The following HTR1F variants were observed in gnomAD, a reference collection of about 807,000 sequenced individuals.
The protein encoded by HTR1F is 5-hydroxytryptamine (serotonin) receptor 1F, G protein-coupled.
Under a neutral mutation model 24.0 loss-of-function variants are expected in HTR1F, and 17 were observed. The observed-to-expected ratio is 0.71, with a 90% CI of 0.48 to 1.06. The LOEUF (loss-of-function observed/expected upper bound fraction) is 1.06, where lower values mean the gene tolerates loss of function less well. HTR1F is among the 50% of genes least tolerant of loss of function. The pLI is 0.00. For synonymous variants in HTR1F, 186 were observed against 156.8 expected (o/e 1.19, Z -1.39); for missense variants, 391 against 427.8 (o/e 0.91, Z 0.76).
intron 2 of HTR1F, among the ~76,000 whole-genome samples, chr3:87,966,787 A>G (rs1208536872): frequency 6.6e-6 from 1 of 152,204 alleles, no homozygotes; most frequent in East Asian, 1.9e-4. Context: ...TTAATTAGTT[A>G]AGAGTAGAAT....
intron 1 of HTR1F, among the ~76,000 whole-genome samples, chr3:87,804,873 T>G (rs1174808076): frequency 6.6e-6 from 1 of 152,156 alleles, no homozygotes; most frequent in East Asian, 1.9e-4. Flanking sequence ...TAAAGATCTG[T>G]TGGACATTTC....
intron 2 of HTR1F, among the ~76,000 whole-genome samples, chr3:87,965,597 A>G (rs898621045): frequency 1.6e-4 from 24 of 152,266 alleles, no homozygotes; most frequent in African/African-American, 4.8e-4. Flanking sequence ...AAGTCAATAG[A>G]CATATTCCAG....
intron 2 of HTR1F, among the ~76,000 whole-genome samples, chr3:87,902,954 C>T (rs1465915780): frequency 6.6e-6 from 1 of 151,410 alleles, no homozygotes; most frequent in South Asian, 2.1e-4. Flanking sequence ...AGAACAGAGC[C>T]CTCAGAAATA....
At chr3:87,903,316 A>G (rs1231923720) in intron 2 of HTR1F, among the ~76,000 whole-genome samples, 2 of 150,078 alleles carry the variant, frequency 1.3e-5, no homozygotes, top group South Asian at 4.2e-4. Context: ...AGCAAAAGAA[A>G]CTACCATCAG....
At chr3:87,906,406 G>T (rs545397300) in intron 2 of HTR1F, among the ~76,000 whole-genome samples, 1 of 151,948 alleles carries the variant, frequency 6.6e-6, no homozygotes, top group Non-Finnish European at 1.5e-5. Flanking sequence ...AACAAAGAAA[G>T]AGAATAATTT....
chr3:87,990,798 T>C lies in HTR1F; in HGVS notation c.49T>C (p.Leu17=), dbSNP rs1705804069. 6.2e-7 allele frequency: 1 copy of C among 1,613,926 alleles called. No individual in the cohort carries two copies. Among genetic ancestry groups the C allele is most frequent in the African/African-American group, 1.3e-5 (1 of 75,040 alleles). ...SDQNLTSEEL[L]NRMPSKILVS... ...TCAAAACTTGACCTCAGAGGAACTG[T>C]TAAACAGAATGCCATCCAAAATTCT... Residue 17 remains leucine (L), a synonymous_variant, in exon 3 of 3, where the codon TTA becomes CTA. Coordinates refer to ENST00000319595, the MANE Select transcript of HTR1F (RefSeq NM_001322209.2).
chr3:87,974,848 G>T (rs1177107637), intron 2 of HTR1F, among the ~76,000 whole-genome samples: 3 of 152,128 alleles, frequency 2.0e-5, no homozygotes, highest in African/African-American at 7.2e-5. Context: ...AACATTGATT[G>T]ATTGATGCTC....
At chr3:87,977,749 CTT>C (rs1242621447) in intron 2 of HTR1F, among the ~76,000 whole-genome samples, 1 of 132,198 alleles carries the variant, frequency 7.6e-6, no homozygotes, top group African/African-American at 3.0e-5. Context: ...GCTGAAATGA[CTT>C]TCCTGAGCTC....
At chr3:87,978,201 G>A (rs188242693) in intron 2 of HTR1F, among the ~76,000 whole-genome samples, 2 of 152,154 alleles carry the variant, frequency 1.3e-5, no homozygotes, top group Admixed American at 6.5e-5. Flanking sequence ...GCACTCAGAA[G>A]GTTGAAGACT....
intron 2 of HTR1F, among the ~76,000 whole-genome samples, chr3:87,919,564 G>A (rs1317411423): frequency 2.6e-5 from 4 of 151,686 alleles, no homozygotes; most frequent in Non-Finnish European, 5.9e-5. Context: ...CTAAGGACAT[G>A]AATAAACAAT....
In HTR1F at chr3:87,991,838, A is replaced by C. The variant is rs773680318; in HGVS notation, c.1089A>C (p.Arg363=). ...DFKKAFQKLV[R]CRC ...AGAAAGCATTCCAAAAGCTTGTGCG[A>C]TGTCGATGTTAGTTTTAAAAATGTT... is the stretch of plus-strand genomic sequence containing the variant. The change falls in exon 3 of 3, where the codon CGA becomes CGC. Residue 363 remains arginine (R), a synonymous_variant. Transcript: ENST00000319595. The C allele has an allele frequency of 1.3e-6, 2 of 1,569,630 alleles. No individual in the cohort carries two copies. The highest frequency in any genetic ancestry group is 1.7e-6 in the Non-Finnish European group (2 of 1,159,770).
At chr3:87,923,204 T>C (rs562173994) in intron 2 of HTR1F, among the ~76,000 whole-genome samples, 1 of 152,160 alleles carries the variant, frequency 6.6e-6, no homozygotes, top group South Asian at 2.1e-4. Context: ...GTATGATGCC[T>C]CCAGCTTTGT....
intron 1 of HTR1F, among the ~76,000 whole-genome samples, chr3:87,818,761 A>C (rs1372393206): frequency 2.0e-5 from 3 of 152,188 alleles, no homozygotes; most frequent in Non-Finnish European, 4.4e-5. Context: ...AAATTTATGA[A>C]GGCACTCACT....
At chr3:87,982,453 C>A (rs1478981390) in intron 2 of HTR1F, among the ~76,000 whole-genome samples, 1 of 152,136 alleles carries the variant, frequency 6.6e-6, no homozygotes, top group Non-Finnish European at 1.5e-5. Flanking sequence ...TAGGGAGACA[C>A]AAAGTTTTGA....
At chr3:87,858,660 G>A (rs1201796349) in intron 2 of HTR1F, among the ~76,000 whole-genome samples, 8 of 150,858 alleles carry the variant, frequency 5.3e-5, no homozygotes, top group Admixed American at 2.0e-4. Context: ...GGATATTCTC[G>A]GTTTTTTTTT....
rs564880580 is a variant in HTR1F, at chr3:87,934,735, C to T, written c.-42-55973C>T. 2.4e-4 allele frequency among the ~76,000 whole-genome samples: 36 copies of T among 152,304 alleles called. No individual in the cohort carries two copies. The South Asian group carries it at 6.8e-3, about 29-fold the overall frequency. ...TCAAACATAAGACTGAAGCATTTTG[C>T]AATGCTGTATCTCTTGTAATCTTCA... On this transcript the variant is annotated intron_variant, in intron 2 of 2. Transcript: ENST00000319595.
chr3:87,882,948 G>C (rs1196499364), intron 2 of HTR1F, among the ~76,000 whole-genome samples: 6 of 152,116 alleles, frequency 3.9e-5, no homozygotes, highest in Admixed American at 3.9e-4. Flanking sequence ...AGAGAACAGT[G>C]GTCCTCCCAG....
chr3:87,797,336 T>A (rs1703921974), intron 1 of HTR1F, among the ~76,000 whole-genome samples: 2 of 152,288 alleles, frequency 1.3e-5, no homozygotes, highest in African/African-American at 2.4e-5. Context: ...TGGAATACTA[T>A]CTGGGTGTTA....
chr3:87,883,659 G>A (rs1005662402), intron 2 of HTR1F, among the ~76,000 whole-genome samples: 11 of 152,190 alleles, frequency 7.2e-5, no homozygotes, highest in Non-Finnish European at 1.5e-4. Context: ...TTGACCTGAT[G>A]GAGCTGAAAA....
Sources: allele counts gnomAD v4.1 joint callset (sites outside exome capture counted in the v4.1 genomes callset), GRCh38; gene constraint gnomAD v4.1.1; transcripts MANE v1.5; gene names NCBI Gene and HGNC (gene_info 2026-07-23, HGNC 2026-07-21).